BCL2L14: variants seen among roughly 807,000 people sequenced by gnomAD.
The protein encoded by BCL2L14 is apoptosis facilitator Bcl-2-like protein 14.
A neutral mutation model predicts 35.3 loss-of-function variants in BCL2L14; 27 were observed. The observed-to-expected ratio is 0.76, with a 90% CI of 0.56 to 1.05. The LOEUF is 1.05. Ranked by LOEUF, BCL2L14 falls within the 50% of genes least tolerant of loss-of-function variation. BCL2L14 has a pLI of 0.00. For synonymous variants in BCL2L14, 139 were observed against 145.9 expected (o/e 0.95, Z 0.34); for missense variants, 377 against 382.6 (o/e 0.99, Z 0.12).
intron 1 of BCL2L14, among the ~76,000 whole-genome samples, chr12:12,079,085 G>A (rs370783081): frequency 7.9e-5 from 12 of 152,300 alleles, no homozygotes; most frequent in East Asian, 7.7e-4. Context: ...GTGAGCCACC[G>A]CACCCGGCAG....
At chr12:12,072,763 G>C (rs1422171091) in intron 1 of BCL2L14, among the ~76,000 whole-genome samples, 2 of 152,192 alleles carry the variant, frequency 1.3e-5, no homozygotes, top group Non-Finnish European at 2.9e-5. Context: ...GATCTAACCT[G>C]TGATAATACT....
chr12:12,074,272 T>C lies in BCL2L14; in HGVS notation c.-8+3135T>C, dbSNP rs185901329. ...CAGATATTTGAGCACCTACCATGTA[T>C]CAAGCACTATTCTAGAGAGCCCGGA... On this transcript the variant is annotated intron_variant, in intron 1 of 5. Transcript: ENST00000308721. Among the ~76,000 whole-genome samples, 21 of 152,256 alleles carry C rather than the reference T, an allele frequency of 1.4e-4. No individual in the cohort carries two copies. In the South Asian group the frequency reaches 3.9e-3, roughly 29 times the overall value.
intron 1 of BCL2L14, 62 bp from the exon 2 acceptor site, chr12:12,079,237 C>T: frequency 7.1e-7 from 1 of 1,410,146 alleles, no homozygotes; most frequent in Non-Finnish European, 9.8e-7. Flanking sequence ...CCTGTCTCTC[C>T]TAACCTGCAA....
chr12:12,068,371 G>T (rs944569493), upstream of BCL2L14: 8 of 389,924 alleles, frequency 2.1e-5, no homozygotes, highest in Non-Finnish European at 3.6e-5. Flanking sequence ...TGGTTTTATT[G>T]TTTGTTTTTC....
intron 2 of BCL2L14, among the ~76,000 whole-genome samples, chr12:12,063,093 T>C (rs533992606): frequency 1.2e-4 from 19 of 152,186 alleles, no homozygotes; most frequent in Non-Finnish European, 2.4e-4. Context: ...CAGACCAACT[T>C]AGACTGTGCC....
chr12:12,078,000 T>A (rs764614536), intron 1 of BCL2L14: 57 of 442,130 alleles, frequency 1.3e-4, no homozygotes, highest in Admixed American at 1.8e-4. Context: ...CAAAGGAAAT[T>A]GAACAAAATC....
At chr12:12,076,232 AT>A in intron 1 of BCL2L14, among the ~76,000 whole-genome samples, 1 of 144,450 alleles carries the variant, frequency 6.9e-6, no homozygotes, top group Non-Finnish European at 1.5e-5. Context: ...GGAGGGTGGG[AT>A]TGGATGGAAT....
At chr12:12,061,243 C>T (rs1029988474) in intron 2 of BCL2L14, among the ~76,000 whole-genome samples, 37 of 151,022 alleles carry the variant, frequency 2.4e-4, no homozygotes, top group South Asian at 4.2e-4. Context: ...AAGCCTCCTT[C>T]ACATCCTCCC....
At chr12:12,071,784 G>A (rs1641716) in intron 1 of BCL2L14, 109,627 of 151,976 alleles carry the variant, frequency 0.72, 39,644 homozygotes, top group Admixed American at 0.78. Flanking sequence ...CTGAGGCTCT[G>A]TCTAGCATTC....
chr12:12,062,335 C>T (rs2136717017), intron 2 of BCL2L14, among the ~76,000 whole-genome samples: 1 of 146,334 alleles, frequency 6.8e-6, no homozygotes, highest in Admixed American at 6.8e-5. Flanking sequence ...TTCCTTCTTT[C>T]CTGTTCCTCA....
chr12:12,059,079 C>T (rs186219200), intron 2 of BCL2L14, among the ~76,000 whole-genome samples: 6 of 152,262 alleles, frequency 3.9e-5, no homozygotes, highest in Non-Finnish European at 7.4e-5. Flanking sequence ...ACGTTTTATC[C>T]GTAGACCCAA....
chr12:12,092,685 C>T (rs1949216320), intron 4 of BCL2L14, among the ~76,000 whole-genome samples: 2 of 152,152 alleles, frequency 1.3e-5, no homozygotes, highest in Non-Finnish European at 2.9e-5. Flanking sequence ...GGTTTTGAGC[C>T]TGGCCTCCTC....
In BCL2L14 at chr12:12,094,709, T is replaced by G; in HGVS notation, c.724T>G (p.Ser242Ala). 1 of 1,614,216 alleles carries G rather than the reference T, an allele frequency of 6.2e-7. No individual in the cohort carries two copies. Among genetic ancestry groups the G allele is most frequent in the Non-Finnish European group, 8.5e-7 (1 of 1,180,036 alleles). The change falls in exon 5 of 6, where the codon TCC becomes GCC. Residue 242 changes from serine (S) to alanine (A), a missense_variant. Coordinates refer to ENST00000308721, the MANE Select transcript of BCL2L14 (RefSeq NM_138723.2). ...ALMGHFQDGLSYSVFKTITDQ... is the reference protein window; with the variant it reads ...ALMGHFQDGLAYSVFKTITDQ... ...GATGGGCCACTTCCAGGATGGGCTG[T>G]CCTACTCTGTTTTCAAGACCATCAC...
rs542996441 is a variant in BCL2L14, at chr12:12,052,946, G to A, written c.-272+1099G>A. Among the ~76,000 whole-genome samples the A allele has an allele frequency of 6.6e-5, 10 of 152,306 alleles. No homozygotes were observed. The East Asian group carries it at 1.9e-3, about 29-fold the overall frequency. On this transcript the variant is annotated intron_variant, in intron 2 of 3. Coordinates refer to the BCL2L14 transcript ENST00000461264. ...GGAGTGAGGTGTGTGTTTGGGGCAG[G>A]GGTAGTAGAAGAGCAAGACGGTTCA...
chr12:12,068,585 T>C (rs1193515869), upstream of BCL2L14, among the ~76,000 whole-genome samples: 2 of 151,988 alleles, frequency 1.3e-5, no homozygotes, highest in Non-Finnish European at 2.9e-5. Flanking sequence ...TGGTGTTGAA[T>C]ACCTGGTCTC....
chr12:12,058,192 TC>T (rs1338957033), intron 2 of BCL2L14, among the ~76,000 whole-genome samples: 2 of 151,352 alleles, frequency 1.3e-5, no homozygotes, highest in African/African-American at 4.9e-5. Flanking sequence ...CCTCAGGTGA[TC>T]TGCCCGCCTC....
chr12:12,059,627 C>T (rs1362982846), intron 2 of BCL2L14, among the ~76,000 whole-genome samples: 7 of 152,058 alleles, frequency 4.6e-5, no homozygotes, highest in African/African-American at 7.2e-5. Flanking sequence ...ACCCCTTCTC[C>T]GTGTCTCTAC....
upstream of BCL2L14, chr12:12,068,025 C>G: frequency 2.6e-6 from 1 of 390,512 alleles, no homozygotes. Context: ...CTCAAGCCCC[C>G]GGCCCCCTGC....
Position 12,094,823 on chromosome 12 carries a change from GC to G in BCL2L14, c.840del (p.Lys281SerfsTer10). On this transcript the variant is annotated frameshift_variant, in exon 5 of 6. Transcript: ENST00000308721. LOFTEE classifies it high-confidence loss of function. ...FKAALVIDVT[A>X]KLTAIDNHPM... ...GGCTGCCCTTGTAATAGACGTCACGGCCAAGCTCACAGCTATTGACAACCAC... is the reference window on the plus strand; with the variant it reads ...GGCTGCCCTTGTAATAGACGTCACGGCAAGCTCACAGCTATTGACAACCAC... The G allele has an allele frequency of 6.2e-7, 1 of 1,614,154 alleles. No individual in the cohort carries two copies. Among genetic ancestry groups the G allele is most frequent in the South Asian group, 1.1e-5 (1 of 91,080 alleles).
Sources: allele counts gnomAD v4.1 joint callset (sites outside exome capture counted in the v4.1 genomes callset), GRCh38; gene constraint gnomAD v4.1.1; transcripts MANE v1.5; gene names NCBI Gene and HGNC (gene_info 2026-07-23, HGNC 2026-07-21).